The following ANKFN1 variants were observed in gnomAD, a reference collection of about 807,000 sequenced individuals.
ANKFN1 encodes ankyrin repeat and fibronectin type-III domain-containing protein 1.
In ANKFN1, 74 loss-of-function variants were observed where a neutral mutation model predicts 108.7. That is an observed-to-expected ratio of 0.68 (90% confidence interval 0.56 to 0.83). The LOEUF (loss-of-function observed/expected upper bound fraction) is 0.83, where lower values mean the gene tolerates loss of function less well. ANKFN1 is among the 40% of genes least tolerant of loss of function. The pLI is 0.00. For synonymous variants in ANKFN1, 547 were observed against 516.2 expected, an observed-to-expected ratio of 1.06 and a Z score of -0.81; for missense variants, 1,505 against 1,382.3, an observed-to-expected ratio of 1.09 and a Z score of -1.41.
chr17:56,440,507 CA>C (rs1422634616), intron 9 of ANKFN1, 83 bp downstream of exon 9: 18 of 1,067,004 alleles, frequency 1.7e-5, no homozygotes, highest in Non-Finnish European at 2.4e-5. Context: ...ATTCTGAAAG[CA>C]ACAGCCAACG....
At chr17:56,484,526 A>AG (rs1811690367) in intron 18 of ANKFN1, among the ~76,000 whole-genome samples, 1 of 152,120 alleles carries the variant, frequency 6.6e-6, no homozygotes, top group Non-Finnish European at 1.5e-5. Context: ...AGGAAATCAG[A>AG]GGGGAAAAAA....
At chr17:56,055,429 A>G (rs1200913809) in intron 4 of ANKFN1, among the ~76,000 whole-genome samples, 1 of 104,994 alleles carries the variant, frequency 9.5e-6, no homozygotes, top group African/African-American at 2.9e-5. Flanking sequence ...GTTGTATATT[A>G]TCCCATTATG....
At chr17:56,190,697 G>A (rs1912822418) in intron 1 of ANKFN1, among the ~76,000 whole-genome samples, 2 of 128,174 alleles carry the variant, frequency 1.6e-5, no homozygotes, top group Non-Finnish European at 3.2e-5. Flanking sequence ...CTGTTGATTT[G>A]GGGTGGAGAG....
chr17:56,276,270 T>C (rs1044474276), intron 3 of ANKFN1, among the ~76,000 whole-genome samples: 2 of 152,220 alleles, frequency 1.3e-5, no homozygotes, highest in African/African-American at 4.8e-5. Context: ...TGATGGATAT[T>C]TGAGTTGGTT....
intron 4 of ANKFN1, among the ~76,000 whole-genome samples, chr17:56,127,077 A>G (rs893369368): frequency 1.3e-5 from 2 of 152,228 alleles, no homozygotes; most frequent in African/African-American, 2.4e-5. Flanking sequence ...ATAGCACAAG[A>G]GTGTAATCAT....
At chr17:56,436,689 G>A (rs1227297824) in intron 8 of ANKFN1, among the ~76,000 whole-genome samples, 1 of 152,012 alleles carries the variant, frequency 6.6e-6, no homozygotes. Context: ...AATTAGCCAG[G>A]TGTGGTGGTG....
chr17:56,259,369 G>T (rs1315765939), intron 3 of ANKFN1, among the ~76,000 whole-genome samples: 1 of 152,180 alleles, frequency 6.6e-6, no homozygotes, highest in African/African-American at 2.4e-5. Context: ...TTTAAGGATT[G>T]GAAGAGATTA....
chr17:56,357,745 C>A (rs1445708476), intron 6 of ANKFN1, among the ~76,000 whole-genome samples: 1 of 152,088 alleles, frequency 6.6e-6, no homozygotes, highest in Non-Finnish European at 1.5e-5. Context: ...TAAGCAAACA[C>A]CTGCCGTAAA....
At chr17:56,155,938 A>T (rs1909066454) in intron 1 of ANKFN1, among the ~76,000 whole-genome samples, 1 of 152,172 alleles carries the variant, frequency 6.6e-6, no homozygotes, top group Non-Finnish European at 1.5e-5. Context: ...CCTACGTGGG[A>T]AGTCACATGG....
chr17:56,408,924 GAT>G (rs901420310), intron 8 of ANKFN1, among the ~76,000 whole-genome samples: 4 of 147,738 alleles, frequency 2.7e-5, no homozygotes, highest in African/African-American at 1.0e-4. Flanking sequence ...ATGCTTTTAA[GAT>G]TTTTTTTTTT....
chr17:56,426,979 C>T (rs1036903933), intron 8 of ANKFN1, among the ~76,000 whole-genome samples: 1 of 152,056 alleles, frequency 6.6e-6, no homozygotes. Flanking sequence ...CAGTAAGGCA[C>T]CTTGTTGAGT....
At chr17:56,058,542 T>C (rs2143100642) in intron 4 of ANKFN1, among the ~76,000 whole-genome samples, 1 of 149,880 alleles carries the variant, frequency 6.7e-6, no homozygotes, top group African/African-American at 2.5e-5. Context: ...TGTGCCATGG[T>C]GGTTCACTGT....
intron 10 of ANKFN1, among the ~76,000 whole-genome samples, chr17:56,448,034 C>G (rs1425594034): frequency 6.6e-6 from 1 of 152,132 alleles, no homozygotes; most frequent in African/African-American, 2.4e-5. Flanking sequence ...ATGAAAGAGA[C>G]CCCGTATTTT....
intron 3 of ANKFN1, among the ~76,000 whole-genome samples, chr17:56,233,633 T>C (rs1303912885): frequency 6.6e-6 from 1 of 152,086 alleles, no homozygotes; most frequent in African/African-American, 2.4e-5. Context: ...TAATCTTTTC[T>C]GTCTACAACT....
chr17:56,412,417 G>A (rs1192372299), intron 8 of ANKFN1, among the ~76,000 whole-genome samples: 1 of 152,258 alleles, frequency 6.6e-6, no homozygotes, highest in East Asian at 1.9e-4. Context: ...GTTCCTGGGC[G>A]TGTCTGTGAG....
intron 3 of ANKFN1, among the ~76,000 whole-genome samples, chr17:56,267,283 TTTTG>T (rs1422734332): frequency 6.6e-6 from 1 of 152,150 alleles, no homozygotes; most frequent in Non-Finnish European, 1.5e-5. Context: ...GTTGTTGGAT[TTTTG>T]TTTGTTAATT....
intron 15 of ANKFN1, among the ~76,000 whole-genome samples, chr17:56,470,701 A>G (rs2050287560): frequency 6.6e-6 from 1 of 152,124 alleles, no homozygotes; most frequent in South Asian, 2.1e-4. Flanking sequence ...TAAATAATCT[A>G]CGAATCCCTA....
At chr17:56,087,368 C>T (rs544653774) in intron 4 of ANKFN1, among the ~76,000 whole-genome samples, 1 of 151,450 alleles carries the variant, frequency 6.6e-6, no homozygotes, top group African/African-American at 2.4e-5. Flanking sequence ...CCTCACCTGA[C>T]CTTGGAAAGC....
intron 8 of ANKFN1, among the ~76,000 whole-genome samples, chr17:56,412,741 G>T (rs913757095): frequency 2.0e-5 from 3 of 152,146 alleles, no homozygotes; most frequent in Non-Finnish European, 4.4e-5. Context: ...TACTTTTGAG[G>T]TTTTAGAACT....
Sources: gnomAD v4.1 joint callset for allele counts (sites outside exome capture counted in the v4.1 genomes callset) on GRCh38, gnomAD v4.1.1 for gene constraint, MANE v1.5 for transcripts, NCBI Gene and HGNC (gene_info 2026-07-23, HGNC 2026-07-21) for gene names.